Variants in NPAS3 observed in about 807,000 individuals in gnomAD.
The protein encoded by NPAS3 is neuronal PAS domain protein 3, also known as neuronal PAS domain-containing protein 3.
Under a neutral mutation model 73.1 loss-of-function variants are expected in NPAS3, and 14 were observed. That is an observed-to-expected ratio of 0.19 (90% CI 0.13 to 0.30). The LOEUF is 0.30. Ranked by LOEUF, NPAS3 falls within the 10% of genes least tolerant of loss-of-function variation. The pLI is 1.00. For missense variants in NPAS3, 1,096 were observed against 1,250.0 expected, an observed-to-expected ratio of 0.88 and a Z score of 1.86; for synonymous variants, 620 against 541.5, an observed-to-expected ratio of 1.14 and a Z score of -2.01.
At chr14:32,952,909 C>G (rs1259732560) in intron 1 of NPAS3, among the ~76,000 whole-genome samples, 4 of 151,214 alleles carry the variant, frequency 2.6e-5, no homozygotes, top group African/African-American at 9.7e-5. Context: ...CATGTTTCTA[C>G]AAAAAAATAA....
At position 33,680,482 on chromosome 14, in the gene NPAS3, T is replaced by C. The variant is rs11156809; in HGVS notation, c.733+4097T>C. On this transcript the variant is annotated intron_variant, in intron 6 of 11. Coordinates refer to ENST00000356141, the Ensembl canonical transcript of NPAS3. ...TCCTGTTCCTGTGTATGTAGGTATGTATGTGTTTGGTGGGGTTTTTTGTAT... is the reference window on the plus strand; with the variant it reads ...TCCTGTTCCTGTGTATGTAGGTATGCATGTGTTTGGTGGGGTTTTTTGTAT... 5,565 of 655,724 alleles carry C rather than the reference T, an allele frequency of 8.5e-3. 185 individuals carry two copies. The highest frequency in any genetic ancestry group is 0.079 in the African/African-American group (4,357 of 55,398). The allele number at this position is 655,724 out of a possible 1,614,324, so 40.6% of individuals were successfully genotyped here.
chr14:33,503,006 C>CA (rs113542693), intron 4 of NPAS3, among the ~76,000 whole-genome samples: 33,289 of 151,658 alleles, frequency 0.22, 4,335 homozygotes, highest in East Asian at 0.46. Flanking sequence ...TCCTTGTTGC[C>CA]TTTTCTTCAT....
chr14:33,446,290 C>T (rs2049497871), intron 4 of NPAS3, among the ~76,000 whole-genome samples: 1 of 150,960 alleles, frequency 6.6e-6, no homozygotes, highest in Non-Finnish European at 1.5e-5. Flanking sequence ...ATTCTCCTGC[C>T]TCAGCCTCCC....
chr14:33,514,470 T>C lies in NPAS3; in HGVS notation c.469-45651T>C, dbSNP rs754678876. ...TACCAAGACGATTGTGATGCCCAAA[T>C]TGGTTGCGTTGCTTCCCTTGGTGAA... is the stretch of plus-strand genomic sequence containing the variant. On this transcript the variant is annotated intron_variant, in intron 4 of 11. Transcript: ENST00000356141. 9.2e-5 allele frequency among the ~76,000 whole-genome samples: 14 copies of C among 152,132 alleles called. No individual in the cohort carries two copies. The South Asian group carries it at 1.5e-3, about 16-fold the overall frequency.
At chr14:33,573,001 G>A (rs1428057564) in intron 5 of NPAS3, among the ~76,000 whole-genome samples, 2 of 124,254 alleles carry the variant, frequency 1.6e-5, no homozygotes. Context: ...CCAGCCTGGA[G>A]ACAGAGTGAG....
At chr14:33,505,906 G>C (rs2052737294) in intron 4 of NPAS3, among the ~76,000 whole-genome samples, 1 of 151,830 alleles carries the variant, frequency 6.6e-6, no homozygotes, top group Admixed American at 6.6e-5. Context: ...GACCTTGTTG[G>C]AATATGCCAA....
At chr14:33,376,515 A>C (rs1303768632) in intron 4 of NPAS3, among the ~76,000 whole-genome samples, 1 of 152,146 alleles carries the variant, frequency 6.6e-6, no homozygotes, top group Non-Finnish European at 1.5e-5. Context: ...TCCTTCGTTC[A>C]ATAGGTTGTC....
At chr14:33,671,997 C>T (rs1465333079) in intron 5 of NPAS3, among the ~76,000 whole-genome samples, 1 of 152,150 alleles carries the variant, frequency 6.6e-6, no homozygotes, top group Admixed American at 6.6e-5. Context: ...TGAAATTTCT[C>T]TAAATTTCTA....
intron 3 of NPAS3, among the ~76,000 whole-genome samples, chr14:33,326,757 A>G (rs1170052317): frequency 1.3e-5 from 2 of 152,232 alleles, no homozygotes; most frequent in African/African-American, 4.8e-5. Flanking sequence ...TTGCACCACC[A>G]CAAGAGTTTG....
At chr14:33,475,890 G>C (rs2051007977) in intron 4 of NPAS3, among the ~76,000 whole-genome samples, 1 of 152,124 alleles carries the variant, frequency 6.6e-6, no homozygotes, top group African/African-American at 2.4e-5. Context: ...TCTGCCAGCT[G>C]CCTGGCCTGG....
chr14:33,724,788 G>T (rs2140568310), intron 6 of NPAS3, among the ~76,000 whole-genome samples: 1 of 151,308 alleles, frequency 6.6e-6, no homozygotes, highest in South Asian at 2.1e-4. Context: ...GCAATAATAT[G>T]AACACCATTA....
intron 3 of NPAS3, among the ~76,000 whole-genome samples, chr14:33,236,295 G>C (rs1025932310): frequency 6.6e-6 from 1 of 152,048 alleles, no homozygotes; most frequent in Non-Finnish European, 1.5e-5. Flanking sequence ...GCTCTGGCCT[G>C]CTCCTGTGTG....
At chr14:33,672,901 T>C (rs551185610) in intron 5 of NPAS3, among the ~76,000 whole-genome samples, 1 of 152,368 alleles carries the variant, frequency 6.6e-6, no homozygotes, top group South Asian at 2.1e-4. Context: ...CTTCTGGCTC[T>C]AAAATTTAAA....
chr14:33,676,127 C>T, intron 5 of NPAS3, 84 bp from the exon 6 acceptor site: 1 of 1,365,310 alleles, frequency 7.3e-7, no homozygotes, highest in Non-Finnish European at 1.0e-6. Flanking sequence ...CTTTTCTACT[C>T]AGAATCTGAA....
At chr14:33,090,812 C>T (rs967365301) in intron 2 of NPAS3, among the ~76,000 whole-genome samples, 1 of 152,198 alleles carries the variant, frequency 6.6e-6, no homozygotes, top group Non-Finnish European at 1.5e-5. Context: ...GACCACTGTG[C>T]CATCAAACTA....
At chr14:33,658,441 C>T (rs1370188789) in intron 5 of NPAS3, among the ~76,000 whole-genome samples, 1 of 152,172 alleles carries the variant, frequency 6.6e-6, no homozygotes, top group African/African-American at 2.4e-5. Context: ...TTTCACATAT[C>T]CCCCGAGGTA....
At chr14:33,599,301 G>T (rs1249276321) in intron 5 of NPAS3, among the ~76,000 whole-genome samples, 2 of 152,160 alleles carry the variant, frequency 1.3e-5, no homozygotes, top group Non-Finnish European at 2.9e-5. Context: ...TGTAAGAGTT[G>T]TAATTTAATC....
At chr14:33,646,995 G>A (rs1008089951) in intron 5 of NPAS3, among the ~76,000 whole-genome samples, 1 of 152,164 alleles carries the variant, frequency 6.6e-6, no homozygotes, top group African/African-American at 2.4e-5. Flanking sequence ...GAGCTGTCTT[G>A]TAGTATCAGC....
chr14:33,082,359 G>A (rs2041886940), intron 2 of NPAS3, among the ~76,000 whole-genome samples: 1 of 152,176 alleles, frequency 6.6e-6, no homozygotes, highest in Admixed American at 6.5e-5. Flanking sequence ...AGGCCATTTA[G>A]ACTTTGTTTT....
Sources: allele counts gnomAD v4.1 joint callset (sites outside exome capture counted in the v4.1 genomes callset), GRCh38; gene constraint gnomAD v4.1.1; transcripts MANE v1.5; gene names NCBI Gene and HGNC (gene_info 2026-07-23, HGNC 2026-07-21).